Variants in PPP2R2B observed in about 807,000 individuals in gnomAD.
PPP2R2B encodes protein phosphatase 2 regulatory subunit Bbeta.
PPP2R2B carries 5 observed loss-of-function variants against 46.0 expected under a neutral mutation model. The ratio of observed to expected loss-of-function variants is 0.11; its 90% CI spans 0.06 to 0.23. The LOEUF (loss-of-function observed/expected upper bound fraction) is 0.23, where lower values mean the gene tolerates loss of function less well. PPP2R2B is among the 10% of genes least tolerant of loss of function. PPP2R2B has a pLI of 1.00. For missense variants in PPP2R2B, 367 were observed against 575.0 expected, an observed-to-expected ratio of 0.64 and a Z score of 3.70; for synonymous variants, 215 against 206.7, an observed-to-expected ratio of 1.04 and a Z score of -0.34.
intron 1 of PPP2R2B, among the ~76,000 whole-genome samples, chr5:146,989,114 T>C (rs1209387056): frequency 6.6e-6 from 1 of 151,800 alleles, no homozygotes; most frequent in African/African-American, 2.4e-5. Context: ...TAATAAAAAG[T>C]CTCCCATCAA....
chr5:146,950,622 T>TA (rs1175007442), intron 1 of PPP2R2B, among the ~76,000 whole-genome samples: 1 of 151,976 alleles, frequency 6.6e-6, no homozygotes, highest in Non-Finnish European at 1.5e-5. Flanking sequence ...GTAGTGAAAA[T>TA]AAATATACAG....
At chr5:146,895,857 C>T (rs1561502234) in intron 1 of PPP2R2B, among the ~76,000 whole-genome samples, 2 of 152,172 alleles carry the variant, frequency 1.3e-5, no homozygotes, top group Non-Finnish European at 2.9e-5. Flanking sequence ...AGGACAATAG[C>T]TCTAATTCAT....
At chr5:146,667,397 G>A (rs375714083) in intron 5 of PPP2R2B, among the ~76,000 whole-genome samples, 1 of 151,380 alleles carries the variant, frequency 6.6e-6, no homozygotes, top group Non-Finnish European at 1.5e-5. Context: ...TAAACAGGAT[G>A]GGATGAGCAA....
intron 1 of PPP2R2B, among the ~76,000 whole-genome samples, chr5:147,010,708 G>C (rs114855077): frequency 2.0e-5 from 3 of 152,134 alleles, no homozygotes; most frequent in Non-Finnish European, 4.4e-5. Context: ...CTGCCCTCCT[G>C]CTGTGTGGCC....
At chr5:146,608,423 A>G (rs1720589973) in intron 7 of PPP2R2B, among the ~76,000 whole-genome samples, 1 of 152,168 alleles carries the variant, frequency 6.6e-6, no homozygotes, top group South Asian at 2.1e-4. Context: ...TCTTGTTAAG[A>G]CGCAACTTAT....
At chr5:146,879,049 G>T, upstream of PPP2R2B, 1 of 485,688 alleles carries the variant, frequency 2.1e-6, no homozygotes. Context: ...GCCTTTCTCC[G>T]GACGCCTGAA....
chr5:147,038,981 A>C (rs1756171295), intron 1 of PPP2R2B, among the ~76,000 whole-genome samples: 1 of 152,062 alleles, frequency 6.6e-6, no homozygotes, highest in Admixed American at 6.6e-5. Context: ...CACAACTGCA[A>C]CCCCCACCAT....
At chr5:146,861,964 T>C (rs999064689) in intron 2 of PPP2R2B, among the ~76,000 whole-genome samples, 1 of 152,074 alleles carries the variant, frequency 6.6e-6, no homozygotes, top group African/African-American at 2.4e-5. Flanking sequence ...TCATATAATA[T>C]GAATGAAGTT....
intron 2 of PPP2R2B, among the ~76,000 whole-genome samples, chr5:146,742,393 T>G (rs1191881507): frequency 6.6e-6 from 1 of 152,176 alleles, no homozygotes; most frequent in Non-Finnish European, 1.5e-5. Context: ...GCTATGCTGC[T>G]TCACTGAATT....
chr5:146,789,026 A>G (rs1314185061), intron 2 of PPP2R2B, among the ~76,000 whole-genome samples: 11 of 152,206 alleles, frequency 7.2e-5, no homozygotes, highest in African/African-American at 2.4e-4. Context: ...GATAACATCT[A>G]TGCAGTGATT....
intron 2 of PPP2R2B, among the ~76,000 whole-genome samples, chr5:147,062,985 AGGGAGGGAGGG>A (rs1561607794): frequency 0.052 from 3,488 of 67,544 alleles, 443 homozygotes; most frequent in African/African-American, 0.18. Context: ...GGAGGGAGGG[AGGGAGGGAGGG>A]AGGGGGGAAG....
At chr5:146,719,773 C>A (rs1780689518) in intron 2 of PPP2R2B, among the ~76,000 whole-genome samples, 1 of 152,064 alleles carries the variant, frequency 6.6e-6, no homozygotes, top group Non-Finnish European at 1.5e-5. Context: ...TTAGCCCACA[C>A]AAAGGTTTCC....
chr5:147,053,020 C>T (rs193036502), intron 1 of PPP2R2B, among the ~76,000 whole-genome samples: 4 of 151,840 alleles, frequency 2.6e-5, no homozygotes, highest in South Asian at 2.1e-4. Context: ...TACAAGTGAA[C>T]GCTGGTTATT....
rs936483391 is a variant in PPP2R2B at position 147,029,402 on chromosome 5, C to T, written c.79+26263G>A. 1.3e-5 allele frequency among the ~76,000 whole-genome samples: 2 copies of T among 152,330 alleles called. 1 individual carries two copies. The highest frequency in any genetic ancestry group is 3.9e-4 in the East Asian group (2 of 5,186). ...CCATTTATTGAAAAGACCACATTTT[C>T]TCCATTGCTCTGCAATGCCATCTTT... On this transcript the variant is annotated intron_variant, in intron 1 of 8. Coordinates refer to the PPP2R2B transcript ENST00000336640.
chr5:146,642,013 T>C (rs923341996), intron 6 of PPP2R2B, among the ~76,000 whole-genome samples: 1 of 152,218 alleles, frequency 6.6e-6, no homozygotes, highest in Non-Finnish European at 1.5e-5. Flanking sequence ...GACAGATCTG[T>C]TCTTCTTGAC....
At chr5:146,635,650 C>T (rs77689741) in intron 7 of PPP2R2B, among the ~76,000 whole-genome samples, 3,196 of 152,308 alleles carry the variant, frequency 0.021, 51 homozygotes, top group Admixed American at 0.064. Context: ...ACTAGAGAGG[C>T]CCTGCCTCCT....
chr5:146,938,229 A>G (rs1406195831), intron 1 of PPP2R2B, among the ~76,000 whole-genome samples: 1 of 152,210 alleles, frequency 6.6e-6, no homozygotes, highest in Non-Finnish European at 1.5e-5. Context: ...CTCACTATCT[A>G]TTGCAAGATG....
intron 1 of PPP2R2B, among the ~76,000 whole-genome samples, chr5:146,979,587 A>C (rs1753072589): frequency 6.6e-6 from 1 of 151,834 alleles, no homozygotes; most frequent in Non-Finnish European, 1.5e-5. Context: ...ACACACACAC[A>C]CACACACACA....
chr5:146,724,194 C>T (rs1358868496), intron 2 of PPP2R2B, among the ~76,000 whole-genome samples: 1 of 152,090 alleles, frequency 6.6e-6, no homozygotes, highest in Non-Finnish European at 1.5e-5. Context: ...AGCCCATGGA[C>T]TTAGGATTCC....
Sources: allele counts gnomAD v4.1 joint callset (sites outside exome capture counted in the v4.1 genomes callset), GRCh38; gene constraint gnomAD v4.1.1; transcripts MANE v1.5; gene names NCBI Gene and HGNC (gene_info 2026-07-23, HGNC 2026-07-21).